Variants in HMMR observed in about 807,000 individuals in gnomAD.
HMMR encodes the protein hyaluronan mediated motility receptor.
In HMMR, 108 loss-of-function variants were observed where a neutral mutation model predicts 101.0. The observed-to-expected ratio is 1.07, with a 90% confidence interval of 0.92 to 1.25. The LOEUF is 1.25. HMMR is among the 50% of genes most tolerant of loss of function. The probability of loss-of-function intolerance (pLI) is 0.00; values close to 1 mark genes in which losing one functional copy is unlikely to be tolerated. For synonymous variants in HMMR, 296 were observed against 276.4 expected (o/e 1.07, Z -0.70); for missense variants, 813 against 788.7 (o/e 1.03, Z -0.37).
intron 3 of HMMR, among the ~76,000 whole-genome samples, chr5:163,467,172 G>T (rs1248911186): frequency 6.6e-6 from 1 of 152,082 alleles, no homozygotes; most frequent in Non-Finnish European, 1.5e-5. Flanking sequence ...TCTTTTTCTA[G>T]CCATTGTGTC....
At chr5:163,488,693 T>TG (rs1759570611) in intron 16 of HMMR, among the ~76,000 whole-genome samples, 1 of 152,244 alleles carries the variant, frequency 6.6e-6, no homozygotes, top group Non-Finnish European at 1.5e-5. Flanking sequence ...ACATAGTGAC[T>TG]GTAAACTCCA....
intron 11 of HMMR, 134 bp from the exon 12 acceptor site, chr5:163,478,550 G>T: frequency 1.6e-6 from 1 of 615,780 alleles, no homozygotes; most frequent in East Asian, 2.7e-5. Flanking sequence ...ATTAGGATCT[G>T]AGCTATTTAG....
chr5:163,475,238 C>T (rs1459739560), intron 10 of HMMR, among the ~76,000 whole-genome samples: 2 of 151,918 alleles, frequency 1.3e-5, no homozygotes, highest in South Asian at 4.2e-4. Flanking sequence ...TCTGCATGTG[C>T]GTTGCATAGA....
At chr5:163,484,274 AAGAT>A in intron 16 of HMMR, 29 bp downstream of exon 16, 1 of 1,285,242 alleles carries the variant, frequency 7.8e-7, no homozygotes, top group Non-Finnish European at 1.1e-6. Flanking sequence ...CATTTTATTA[AAGAT>A]ATTGGAGTGG....
chr5:163,483,499 A>G, intron 15 of HMMR, 132 bp downstream of exon 15: 3 of 542,662 alleles, frequency 5.5e-6, no homozygotes, highest in East Asian at 2.9e-5. Flanking sequence ...AATTTAGCTC[A>G]CTATTAAAGG....
chr5:163,489,026 C>T (rs540447978), intron 16 of HMMR, among the ~76,000 whole-genome samples: 6 of 152,146 alleles, frequency 3.9e-5, no homozygotes, highest in Admixed American at 1.3e-4. Flanking sequence ...TTCCACAGAC[C>T]GGATCACCCA....
chr5:163,484,733 C>G (rs1281998329), intron 16 of HMMR, among the ~76,000 whole-genome samples: 1 of 152,032 alleles, frequency 6.6e-6, no homozygotes, highest in Non-Finnish European at 1.5e-5. Flanking sequence ...AAAATGAAAC[C>G]TTGTTATCCT....
Position 163,483,299 on chromosome 5 carries a change from T to C in HMMR, c.1717T>C (p.Leu573=), listed in dbSNP as rs1191130193. ...TGAAAAAGAAAATACAACAGCAGAATTAACTGAAGAAATTAACAAGTGGCG... is the reference window on the plus strand; with the variant it reads ...TGAAAAAGAAAATACAACAGCAGAACTAACTGAAGAAATTAACAAGTGGCG... The part of the protein sequence containing the change: ...KAEKENTTAE[L]TEEINKWRLL... The change falls in exon 15 of 18, where the codon TTA becomes CTA. Residue 573 remains leucine, a synonymous_variant. Transcript: ENST00000393915. 6.2e-7 allele frequency: 1 copy of C among 1,610,128 alleles called. No homozygotes were observed. The highest frequency in any genetic ancestry group is 8.5e-7 in the Non-Finnish European group (1 of 1,176,840).
At chr5:163,469,135 C>T (rs1235417586) in intron 4 of HMMR, among the ~76,000 whole-genome samples, 1 of 151,814 alleles carries the variant, frequency 6.6e-6, no homozygotes, top group Admixed American at 6.6e-5. Flanking sequence ...GAGGCTGAGG[C>T]GGGTGGATCA....
chr5:163,471,574 A>T (rs1208469180), intron 7 of HMMR, 111 bp downstream of exon 7: 2 of 659,710 alleles, frequency 3.0e-6, no homozygotes, highest in African/African-American at 3.6e-5. Flanking sequence ...TACTTATCTC[A>T]TTGCCTCCCT....
chr5:163,471,901 T>C lies in HMMR; in HGVS notation c.650+438T>C, dbSNP rs77698405. Among the ~76,000 whole-genome samples, 428 of 152,264 alleles carry C rather than the reference T, an allele frequency of 2.8e-3. 7 individuals carry two copies. The highest frequency in any genetic ancestry group is 0.023 in the Admixed American group (353 of 15,306). On this transcript the variant is annotated intron_variant, in intron 7 of 17. Transcript: ENST00000393915. The stretch of plus-strand genomic sequence containing the variant: ...CCTACGTAACCACTACCAAACAAGA[T>C]AGAGAACATTTTCATCCCTTCAGAA...
At chr5:163,477,945 A>T (rs989015460) in intron 11 of HMMR, among the ~76,000 whole-genome samples, 1 of 152,198 alleles carries the variant, frequency 6.6e-6, no homozygotes, top group Non-Finnish European at 1.5e-5. Flanking sequence ...CACTTGTTAC[A>T]GAATGAATTT....
chr5:163,464,841 A>G lies in HMMR; in HGVS notation c.225+39A>G, dbSNP rs749199275. ...ATATGCCAGCTGGTTTATCAAGTGT[A>G]TCATCAAAAACATCTGAAAGTATTG... On this transcript the variant is annotated intron_variant, in intron 3 of 17. Coordinates refer to ENST00000393915, the MANE Select transcript of HMMR (RefSeq NM_001142556.2). 27 of 1,247,108 alleles carry G rather than the reference A, an allele frequency of 2.2e-5. No individual in the cohort carries two copies. The South Asian group carries it at 2.9e-4, about 13-fold the overall frequency. The allele number at this position is 1,247,108 out of a possible 1,614,324, so 77.3% of individuals were successfully genotyped here. A position where few individuals can be genotyped will look rare whatever the true frequency, so the allele number is the denominator to read the frequency against.
intron 11 of HMMR, 115 bp downstream of exon 11, chr5:163,475,787 TAATTAAGTAGTAATTATTAATTATTTTAC>T (rs1369337132): frequency 2.7e-5 from 13 of 473,764 alleles, no homozygotes; most frequent in African/African-American, 2.6e-4. Flanking sequence ...AATTATTTTA[TAATTAAGTAGTAATTATTAATTATTTTAC>T]AATTAAGTAG....
chr5:163,477,239 A>G (rs1181858758), intron 11 of HMMR, among the ~76,000 whole-genome samples: 20 of 152,240 alleles, frequency 1.3e-4, no homozygotes, highest in Admixed American at 1.3e-3. Context: ...CAGGTTAGTG[A>G]CAAACACTAC....
At chr5:163,485,497 T>C (rs2113514759) in intron 16 of HMMR, among the ~76,000 whole-genome samples, 1 of 152,366 alleles carries the variant, frequency 6.6e-6, no homozygotes, top group South Asian at 2.1e-4. Context: ...TGTCTGTTTA[T>C]ACTCTGCTCA....
At chr5:163,477,020 G>A (rs756014859) in intron 11 of HMMR, among the ~76,000 whole-genome samples, 26 of 152,214 alleles carry the variant, frequency 1.7e-4, no homozygotes, top group Non-Finnish European at 2.9e-4. Context: ...GACAGAGGGA[G>A]ACTGTGTCCC....
chr5:163,464,284 A>G (rs970903899), intron 2 of HMMR, among the ~76,000 whole-genome samples: 1 of 152,172 alleles, frequency 6.6e-6, no homozygotes, highest in Non-Finnish European at 1.5e-5. Flanking sequence ...AAAATGTACA[A>G]CTAAGGAAAG....
In HMMR at chr5:163,471,123, G is replaced by A. The variant is rs576585843; in HGVS notation, c.463-62G>A. 13 of 1,004,176 alleles carry A rather than the reference G, an allele frequency of 1.3e-5. No individual in the cohort carries two copies. In the South Asian group the frequency reaches 1.3e-4, roughly 10 times the overall value. 62.2% of individuals were successfully genotyped at this position (1,004,176 alleles called of 1,614,324 possible). On this transcript the variant is annotated intron_variant, in intron 5 of 17. Coordinates refer to ENST00000393915, the MANE Select transcript of HMMR (RefSeq NM_001142556.2). Reference sequence around the variant, plus strand: ...GATAGGTAGAAAAATCAATATTTGTGTATTTTAAATATGTCTTAGCAGAAA... The same window carrying A: ...GATAGGTAGAAAAATCAATATTTGTATATTTTAAATATGTCTTAGCAGAAA...
Sources: gnomAD v4.1 joint callset for allele counts (sites outside exome capture counted in the v4.1 genomes callset) on GRCh38, gnomAD v4.1.1 for gene constraint, MANE v1.5 for transcripts, NCBI Gene and HGNC (gene_info 2026-07-23, HGNC 2026-07-21) for gene names.